ATP2B2: variants seen among roughly 807,000 people sequenced by gnomAD.
ATP2B2 encodes the protein ATPase plasma membrane Ca2+ transporting 2, also known as plasma membrane calcium-transporting ATPase 2.
ATP2B2 carries 15 observed loss-of-function variants against 120.0 expected under a neutral mutation model. The ratio of observed to expected loss-of-function variants is 0.12; its 90% CI spans 0.08 to 0.19. ATP2B2 has a LOEUF of 0.19. Among genes scored for constraint, ATP2B2 ranks in the 10% least tolerant of loss-of-function variants. The probability of loss-of-function intolerance (pLI) is 1.00; values close to 1 mark genes in which losing one functional copy is unlikely to be tolerated. For synonymous variants in ATP2B2, 694 were observed against 700.3 expected (o/e 0.99, Z 0.14); for missense variants, 1,045 against 1,719.8 (o/e 0.61, Z 6.94).
At chr3:10,609,914 A>G (rs984870707) in intron 2 of ATP2B2, among the ~76,000 whole-genome samples, 24 of 152,092 alleles carry the variant, frequency 1.6e-4, no homozygotes, top group African/African-American at 5.1e-4. Flanking sequence ...CTCGGCCACA[A>G]TGGGGCTTCT....
rs1020159904 is a variant in ATP2B2, at chr3:10,343,593, G to C, written c.2704-628C>G. On this transcript the variant is annotated intron_variant, in intron 18 of 22. Transcript: ENST00000360273. This position sits in a 1 kb window ranked among gnomAD's most constrained non-coding sequence, Gnocchi z 4.2. ...CCAGGTTCTGGGAGGGACCCTTTCA[G>C]ACCTGTCTCTTTGGCTGAGAGGAGC... Among the ~76,000 whole-genome samples, 2 of 152,122 alleles carry C rather than the reference G, an allele frequency of 1.3e-5. No homozygotes were observed. The highest frequency in any genetic ancestry group is 2.4e-5 in the African/African-American group (1 of 41,406).
In ATP2B2 at chr3:10,358,918, T is replaced by G. The variant is rs765698071; in HGVS notation, c.1909A>C (p.Lys637Gln). 5 of 1,613,756 alleles carry G rather than the reference T, an allele frequency of 3.1e-6. No individual in the cohort carries two copies. The highest frequency in any genetic ancestry group is 4.2e-6 in the Non-Finnish European group (5 of 1,180,010). Residue 637 changes from lysine (K) to glutamine (Q), a missense_variant, in exon 14 of 23, where the codon AAA becomes CAA. Physicochemically the swap from Lys to Gln is moderately conservative, Grantham distance 53 (BLOSUM62 1). Transcript: ENST00000360273. ...ASEIVLKKCCKILNGAGEPRV... is the reference protein window; with the variant it reads ...ASEIVLKKCCQILNGAGEPRV... ...GGCTCTCCCGCCCCATTGAGGATTT[T>G]GCAGCACCTAGGGGAGGATGGAAGG...
intron 5 of ATP2B2, among the ~76,000 whole-genome samples, chr3:10,392,437 C>T (rs2061884021): frequency 6.6e-6 from 1 of 151,696 alleles, no homozygotes; most frequent in African/African-American, 2.4e-5. Context: ...CGTTCCCCTT[C>T]AGCTCCACGA....
intron 1 of ATP2B2, among the ~76,000 whole-genome samples, chr3:10,490,637 G>C (rs187321816): frequency 1.5e-3 from 231 of 152,018 alleles, no homozygotes; most frequent in African/African-American, 5.2e-3. Flanking sequence ...GGCCTCAAGT[G>C]ATCTGCCCAC....
chr3:10,427,311 G>A (rs1223957233), intron 2 of ATP2B2, among the ~76,000 whole-genome samples: 3 of 152,074 alleles, frequency 2.0e-5, no homozygotes, highest in African/African-American at 7.2e-5. Context: ...CAGCCTCCCC[G>A]GGGTTTCTTG....
At chr3:10,449,955 A>AC (rs2063975355) in intron 1 of ATP2B2, 93 bp from the exon 2 acceptor site, 1 of 339,674 alleles carries the variant, frequency 2.9e-6, no homozygotes, top group African/African-American at 2.1e-5. Context: ...ACGCACAGCA[A>AC]CCTAAACAAC....
chr3:10,693,240 T>C (rs1481049513), intron 1 of ATP2B2, among the ~76,000 whole-genome samples: 1 of 152,212 alleles, frequency 6.6e-6, no homozygotes, highest in Admixed American at 6.5e-5. Context: ...TCTGGTATTT[T>C]TAAAGTCATG....
At chr3:10,517,942 G>A (rs148653950) in intron 3 of ATP2B2, among the ~76,000 whole-genome samples, 2 of 152,254 alleles carry the variant, frequency 1.3e-5, no homozygotes, top group East Asian at 1.9e-4. Flanking sequence ...GTAGACAGAC[G>A]GGGGATTGGG....
chr3:10,333,297 C>A (rs2060029691), intron 22 of ATP2B2, among the ~76,000 whole-genome samples: 1 of 152,110 alleles, frequency 6.6e-6, no homozygotes, highest in South Asian at 2.1e-4. Flanking sequence ...GAAGCAGATC[C>A]CCCTCAGAAG....
intron 2 of ATP2B2, among the ~76,000 whole-genome samples, chr3:10,613,686 C>T (rs745657103): frequency 8.6e-5 from 13 of 152,020 alleles, no homozygotes; most frequent in Non-Finnish European, 1.9e-4. Context: ...TGTCCTGGCC[C>T]GGCTGCCATC....
At chr3:10,706,652 C>T (rs938258022) in intron 1 of ATP2B2, among the ~76,000 whole-genome samples, 1 of 152,130 alleles carries the variant, frequency 6.6e-6, no homozygotes, top group Middle Eastern at 3.2e-3. Flanking sequence ...GAAATTACAC[C>T]AGCTGGTAGC....
intron 1 of ATP2B2, among the ~76,000 whole-genome samples, chr3:10,624,053 G>C (rs998654667): frequency 6.6e-6 from 1 of 152,170 alleles, no homozygotes; most frequent in African/African-American, 2.4e-5. Context: ...GCTTCCTGTA[G>C]CTCCCATCCC....
intron 2 of ATP2B2, among the ~76,000 whole-genome samples, chr3:10,587,332 A>T (rs2068534048): frequency 7.5e-6 from 1 of 132,788 alleles, no homozygotes; most frequent in South Asian, 2.7e-4. Context: ...GTCTCAATAT[A>T]TATGTATATA....
intron 1 of ATP2B2, among the ~76,000 whole-genome samples, chr3:10,683,760 G>GTGTATGTATA (rs1446781892): frequency 7.4e-5 from 4 of 53,912 alleles, no homozygotes; most frequent in East Asian, 1.9e-3. Flanking sequence ...GTGTGTGTGT[G>GTGTATGTATA]TATATATATA....
chr3:10,481,752 C>T lies in ATP2B2; in HGVS notation c.-320+23713G>A, dbSNP rs1234290975. Among the ~76,000 whole-genome samples the T allele has an allele frequency of 2.6e-5, 4 of 152,130 alleles. No individual in the cohort carries two copies. The South Asian group carries it at 8.3e-4, about 32-fold the overall frequency. On this transcript the variant is annotated intron_variant, in intron 1 of 22. Transcript: ENST00000360273. ...TATTTTCAGTAGAGATGGGGTTTCACCATGTTGGCCAGGCTAGTCTCAAAC... is the reference window on the plus strand; with the variant it reads ...TATTTTCAGTAGAGATGGGGTTTCATCATGTTGGCCAGGCTAGTCTCAAAC...
At position 10,435,387 on chromosome 3, in the gene ATP2B2, C is replaced by T. The variant is rs550966999; in HGVS notation, c.199+13958G>A. On this transcript the variant is annotated intron_variant, in intron 2 of 22. Transcript: ENST00000360273. ...TTCACCCTGGCCACCTGAGCTCCTA[C>T]ATCTTCCTGGAGGGTCCACAGGCCT... 1.2e-4 allele frequency among the ~76,000 whole-genome samples: 19 copies of T among 152,302 alleles called. No homozygotes were observed. In the East Asian group the frequency reaches 3.5e-3, roughly 28 times the overall value.
chr3:10,466,490 A>G (rs1289822219), intron 1 of ATP2B2, among the ~76,000 whole-genome samples: 3 of 152,168 alleles, frequency 2.0e-5, no homozygotes, highest in Non-Finnish European at 4.4e-5. Flanking sequence ...AATTAGGCCG[A>G]ACAGTTTTAC....
At chr3:10,488,479 C>CTTCCTTCCTTCG (rs2065806075) in intron 1 of ATP2B2, among the ~76,000 whole-genome samples, 1 of 98,108 alleles carries the variant, frequency 1.0e-5, no homozygotes, top group Non-Finnish European at 2.1e-5. Flanking sequence ...TCCTTCCTTC[C>CTTCCTTCCTTCG]TTCCTTCCTT....
At chr3:10,438,112 T>C (rs2063536749) in intron 2 of ATP2B2, among the ~76,000 whole-genome samples, 3 of 152,142 alleles carry the variant, frequency 2.0e-5, no homozygotes. Context: ...CCATACCCAC[T>C]GTGTGCTGGG....
Sources: allele counts gnomAD v4.1 joint callset (sites outside exome capture counted in the v4.1 genomes callset), GRCh38; gene constraint gnomAD v4.1.1; non-coding constraint Gnocchi (gnomAD v3.1); transcripts MANE v1.5; gene names NCBI Gene and HGNC (gene_info 2026-07-23, HGNC 2026-07-21).